AKAP6: variants seen among roughly 807,000 people sequenced by gnomAD.
AKAP6 encodes A-kinase anchoring protein 6.
AKAP6 carries 58 observed loss-of-function variants against 188.5 expected under a neutral mutation model. That is an observed-to-expected ratio of 0.31 (90% CI 0.25 to 0.38). The LOEUF is 0.38. Among genes scored for constraint, AKAP6 ranks in the 10% least tolerant of loss-of-function variants. AKAP6 has a pLI of 1.00. For missense variants in AKAP6, 2,710 were observed against 2,740.0 expected, an observed-to-expected ratio of 0.99 and a Z score of 0.24; for synonymous variants, 989 against 998.6, an observed-to-expected ratio of 0.99 and a Z score of 0.18.
chr14:32,482,682 A>C (rs1019205901), intron 2 of AKAP6, among the ~76,000 whole-genome samples: 5 of 152,168 alleles, frequency 3.3e-5, no homozygotes, highest in Non-Finnish European at 5.9e-5. Flanking sequence ...TGAGTGAATG[A>C]GTTATCTTGT....
rs532192619 is a variant in AKAP6 at position 32,810,413 on chromosome 14, G to A, written c.3589-10989G>A. On this transcript the variant is annotated intron_variant, in intron 12 of 13. Coordinates refer to ENST00000280979, the MANE Select transcript of AKAP6 (RefSeq NM_004274.5). ...CTCAAGAGCCCGTGTAAGAGCCCAG[G>A]ACAAGAACTTCTATTCCAGTCAAGA... 9.1e-4 allele frequency among the ~76,000 whole-genome samples: 139 copies of A among 152,166 alleles called. 3 individuals carry two copies. Among genetic ancestry groups the A allele is most frequent in the African/African-American group, 3.1e-3 (128 of 41,502 alleles).
intron 7 of AKAP6, among the ~76,000 whole-genome samples, chr14:32,636,585 T>TA (rs1239208255): frequency 1.3e-5 from 2 of 152,018 alleles, no homozygotes; most frequent in African/African-American, 4.8e-5. Context: ...TGCAGTGTGG[T>TA]AAGTCATAAT....
At chr14:32,467,227 A>C (rs1878515808) in intron 2 of AKAP6, among the ~76,000 whole-genome samples, 2 of 151,834 alleles carry the variant, frequency 1.3e-5, no homozygotes, top group African/African-American at 4.8e-5. Flanking sequence ...AAAAACAAAA[A>C]CAAAAAGAAG....
chr14:32,561,425 A>G (rs975436752), intron 4 of AKAP6, among the ~76,000 whole-genome samples: 1 of 152,212 alleles, frequency 6.6e-6, no homozygotes, highest in African/African-American at 2.4e-5. Context: ...TGAATGACCT[A>G]TAAATACTTT....
In AKAP6 at chr14:32,545,972, T is replaced by G; in HGVS notation, c.1319T>G (p.Val440Gly). The G allele has an allele frequency of 6.2e-7, 1 of 1,614,206 alleles. No individual in the cohort carries two copies. Among genetic ancestry groups the G allele is most frequent in the Non-Finnish European group, 8.5e-7 (1 of 1,180,034 alleles). The change falls in exon 4 of 14, where the codon GTA (valine) becomes GGA (glycine). Residue 440 changes from valine (V) to glycine (G), a missense_variant. Coordinates refer to ENST00000280979, the MANE Select transcript of AKAP6 (RefSeq NM_004274.5). ...DPPDRSKLCL[V>G]LQSSYPNSPS... ...CCTGACAGATCCAAACTTTGCCTGG[T>G]ATTGCAGTCTTCTTACCCCAACAGC...
intron 5 of AKAP6, among the ~76,000 whole-genome samples, chr14:32,591,278 G>T (rs1036875664): frequency 2.6e-5 from 4 of 152,090 alleles, no homozygotes; most frequent in African/African-American, 9.7e-5. Flanking sequence ...GCCTAATGTG[G>T]CCATGCTGGG....
intron 2 of AKAP6, among the ~76,000 whole-genome samples, chr14:32,516,002 A>C (rs1323048682): frequency 6.6e-6 from 1 of 152,146 alleles, no homozygotes; most frequent in Non-Finnish European, 1.5e-5. Context: ...AGATGCTTAC[A>C]GTCTGTTGCT....
At chr14:32,523,714 G>A (rs960620321) in intron 2 of AKAP6, among the ~76,000 whole-genome samples, 4 of 150,850 alleles carry the variant, frequency 2.7e-5, no homozygotes, top group African/African-American at 4.9e-5. Flanking sequence ...GCGATCTGCC[G>A]GCCTCAGCCT....
chr14:32,576,441 G>T (rs531881594), intron 4 of AKAP6, among the ~76,000 whole-genome samples: 1 of 152,172 alleles, frequency 6.6e-6, no homozygotes, highest in Admixed American at 6.5e-5. Flanking sequence ...TTGAAAAATT[G>T]CAAGGTTATT....
intron 13 of AKAP6, among the ~76,000 whole-genome samples, chr14:32,828,264 A>T (rs146119030): frequency 2.8e-3 from 421 of 152,300 alleles, no homozygotes; most frequent in African/African-American, 9.3e-3. Context: ...AATTGGATTG[A>T]CATTAGGTGC....
rs1167555979 is a variant in AKAP6, at chr14:32,835,551, G to A, written c.*5746G>A. Reference sequence around the variant, plus strand: ...AAATGTTTTTCTAAAGCAATCCGAGGAATTAAATTCAGGCCATTTCACAGT... The same window carrying A: ...AAATGTTTTTCTAAAGCAATCCGAGAAATTAAATTCAGGCCATTTCACAGT... On this transcript the variant is annotated 3_prime_UTR_variant, in exon 14 of 14. Transcript: ENST00000280979. 1.3e-5 allele frequency: 2 copies of A among 151,986 alleles called. No individual in the cohort carries two copies. Among genetic ancestry groups the A allele is most frequent in the Non-Finnish European group, 2.9e-5 (2 of 68,016 alleles). 9.4% of individuals were successfully genotyped at this position (151,986 alleles called of 1,614,324 possible).
At chr14:32,630,635 G>A (rs1183140532) in intron 7 of AKAP6, among the ~76,000 whole-genome samples, 2 of 152,000 alleles carry the variant, frequency 1.3e-5, no homozygotes, top group Non-Finnish European at 1.5e-5. Flanking sequence ...CCTGTTATGC[G>A]AGCCTCTAAT....
intron 12 of AKAP6, among the ~76,000 whole-genome samples, chr14:32,811,194 G>A (rs1166064204): frequency 7.2e-6 from 1 of 138,694 alleles, no homozygotes; most frequent in Non-Finnish European, 1.5e-5. Flanking sequence ...AGCCGAGATT[G>A]CGCCACTGCA....
rs1194648152 is a variant in AKAP6 at position 32,493,604 on chromosome 14, A to C, written c.325-41950A>C. 1.3e-5 allele frequency among the ~76,000 whole-genome samples: 2 copies of C among 152,156 alleles called. 1 individual carries two copies. Reference sequence around the variant, plus strand: ...AGTTTTATAATGTATTTTATAATGAAGCCTACATGACATCCATTATGTCAC... The same window carrying C: ...AGTTTTATAATGTATTTTATAATGACGCCTACATGACATCCATTATGTCAC... On this transcript the variant is annotated intron_variant, in intron 2 of 13. Coordinates refer to ENST00000280979, the MANE Select transcript of AKAP6 (RefSeq NM_004274.5).
chr14:32,798,358 C>A (rs116155876), intron 12 of AKAP6, among the ~76,000 whole-genome samples: 2 of 152,148 alleles, frequency 1.3e-5, no homozygotes, highest in Non-Finnish European at 2.9e-5. Context: ...GAACTTAAAA[C>A]CATTTGACCC....
intron 1 of AKAP6, among the ~76,000 whole-genome samples, chr14:32,339,105 C>G (rs140386193): frequency 4.6e-5 from 7 of 152,002 alleles, no homozygotes; most frequent in Non-Finnish European, 8.8e-5. Context: ...TTTGTTTCTC[C>G]CTGGTATAAT....
Position 32,822,686 on chromosome 14 carries a change from G to T in AKAP6, c.4873G>T (p.Val1625Phe), listed in dbSNP as rs1270475803. 7 of 1,613,890 alleles carry T rather than the reference G, an allele frequency of 4.3e-6. No homozygotes were observed. Among genetic ancestry groups the T allele is most frequent in the Non-Finnish European group, 5.9e-6 (7 of 1,179,960 alleles). Residue 1625 changes from valine (V) to phenylalanine (F), a missense_variant, in exon 13 of 14, where the codon GTT becomes TTT. By Grantham distance (50) the Val-to-Phe change is conservative. Coordinates refer to ENST00000280979, the MANE Select transcript of AKAP6 (RefSeq NM_004274.5). ...GGATATAAGCGTGAGCAGTGGCTCAGTTGGTGAACTAAGTAAAAGAACATT... is the reference window on the plus strand; with the variant it reads ...GGATATAAGCGTGAGCAGTGGCTCATTTGGTGAACTAAGTAAAAGAACATT... ...SGDISVSSGS[V>F]GELSKRTLDL...
chr14:32,374,813 T>A (rs1888110123), intron 1 of AKAP6, among the ~76,000 whole-genome samples: 1 of 152,360 alleles, frequency 6.6e-6, no homozygotes, highest in Non-Finnish European at 1.5e-5. Context: ...CATTTTATTT[T>A]TTATACATTT....
intron 7 of AKAP6, among the ~76,000 whole-genome samples, chr14:32,638,338 G>A (rs1237364486): frequency 1.3e-5 from 2 of 152,110 alleles, no homozygotes; most frequent in African/African-American, 4.8e-5. Context: ...ACTGGAGAAT[G>A]TCAGCAGCCT....
Sources: allele counts gnomAD v4.1 joint callset (sites outside exome capture counted in the v4.1 genomes callset), GRCh38; gene constraint gnomAD v4.1.1; transcripts MANE v1.5; gene names NCBI Gene and HGNC (gene_info 2026-07-23, HGNC 2026-07-21).